ANO1: variants seen among roughly 807,000 people sequenced by gnomAD.
ANO1 encodes the protein anoctamin 1.
In ANO1, 59 loss-of-function variants were observed where a neutral mutation model predicts 124.0. That is an observed-to-expected ratio of 0.48 (90% CI 0.39 to 0.59). The LOEUF (loss-of-function observed/expected upper bound fraction) is 0.59, where lower values mean the gene tolerates loss of function less well. ANO1 is among the 20% of genes least tolerant of loss of function. The pLI is 0.00. For synonymous variants in ANO1, 529 were observed against 532.0 expected (o/e 0.99, Z 0.08); for missense variants, 1,059 against 1,328.0 (o/e 0.80, Z 3.15).
rs759678051 is a variant in ANO1 at position 70,180,025 on chromosome 11, G to A, written c.2372G>A (p.Arg791Lys). Residue 791 changes from arginine to lysine, a missense_variant, in exon 23 of 26, where the codon AGA becomes AAA. By Grantham distance (26) the Arg-to-Lys change is conservative. Around this residue, in one of 2 missense-constraint regions of ANO1, gnomAD observed 809 missense variants for 1,094.9 expected, o/e 0.74. Transcript: ENST00000355303. Reference protein sequence around the residue: ...KDIGIWYNILRGIGKLAVIIN... With the variant: ...KDIGIWYNILKGIGKLAVIIN... ...CCAGGAATCTGGTACAATATCCTCA[G>A]AGGCATTGGGAAGCTTGCTGTCATC... is the stretch of plus-strand genomic sequence containing the variant. The A allele has an allele frequency of 6.2e-7, 1 of 1,613,256 alleles. No individual in the cohort carries two copies. Among genetic ancestry groups the A allele is most frequent in the East Asian group, 2.2e-5 (1 of 44,866 alleles).
chr11:70,100,267 T>G (rs537170393), intron 2 of ANO1, among the ~76,000 whole-genome samples: 507 of 152,302 alleles, frequency 3.3e-3, no homozygotes, highest in Non-Finnish European at 5.1e-3. Context: ...CCGATCCACA[T>G]GCTCCTGGAG....
At chr11:70,004,393 C>T (rs1554999776) in intron 1 of ANO1, among the ~76,000 whole-genome samples, 1 of 152,194 alleles carries the variant, frequency 6.6e-6, no homozygotes, top group African/African-American at 2.4e-5. Flanking sequence ...CTTATATGTG[C>T]ACTTTTACAG....
At chr11:70,080,575 G>A (rs2044171177) in intron 1 of ANO1, among the ~76,000 whole-genome samples, 2 of 152,152 alleles carry the variant, frequency 1.3e-5, no homozygotes, top group South Asian at 4.1e-4. Flanking sequence ...AGCCTGTCAT[G>A]AATAGCCCCC....
chr11:70,087,643 T>G (rs560840043), intron 1 of ANO1, 109 bp from the exon 2 acceptor site: 5 of 1,110,156 alleles, frequency 4.5e-6, no homozygotes, highest in Admixed American at 3.0e-5. Flanking sequence ...CAGGGAGTGT[T>G]TGTTGAACGA....
chr11:70,053,706 A>G (rs1297223313), intron 1 of ANO1, among the ~76,000 whole-genome samples: 3 of 152,200 alleles, frequency 2.0e-5, no homozygotes, highest in African/African-American at 7.2e-5. Context: ...GTTCAAATTC[A>G]TTGGGAAATG....
intron 1 of ANO1, among the ~76,000 whole-genome samples, chr11:70,019,858 G>A (rs943527565): frequency 2.0e-5 from 3 of 152,314 alleles, no homozygotes; most frequent in South Asian, 4.1e-4. Context: ...CCAGTCCCAC[G>A]CACGTCTTCA....
intron 1 of ANO1, among the ~76,000 whole-genome samples, chr11:70,031,441 T>A (rs1056184115): frequency 1.3e-5 from 2 of 152,232 alleles, no homozygotes; most frequent in African/African-American, 2.4e-5. Context: ...AAAGGCCCCG[T>A]GCCTCCTGCC....
At chr11:70,147,286 G>A (rs1273230084) in intron 11 of ANO1, among the ~76,000 whole-genome samples, 1 of 152,216 alleles carries the variant, frequency 6.6e-6, no homozygotes, top group Non-Finnish European at 1.5e-5. Flanking sequence ...CTGCTCCAGA[G>A]CAGCTACAGG....
chr11:70,168,691 G>A (rs191590205), intron 21 of ANO1, among the ~76,000 whole-genome samples: 27 of 152,268 alleles, frequency 1.8e-4, no homozygotes, highest in Admixed American at 1.0e-3. Flanking sequence ...TAAAATGCCC[G>A]TTCCCAGGCT....
chr11:70,046,652 G>T (rs1304739752), intron 1 of ANO1, among the ~76,000 whole-genome samples: 1 of 152,122 alleles, frequency 6.6e-6, no homozygotes, highest in Non-Finnish European at 1.5e-5. Context: ...AGGTGGCAAA[G>T]AACTCCTCAA....
At chr11:70,152,227 C>T (rs2047628732) in intron 12 of ANO1, among the ~76,000 whole-genome samples, 1 of 150,836 alleles carries the variant, frequency 6.6e-6, no homozygotes, top group South Asian at 2.1e-4. Flanking sequence ...CCCAGCTACT[C>T]AGGAGGCTGA....
At position 70,095,347 on chromosome 11, in the gene ANO1, AAAG is replaced by A. The variant is rs1565193667; in HGVS notation, c.441+7266_441+7268del. 1.3e-3 allele frequency among the ~76,000 whole-genome samples: 11 copies of A among 8,594 alleles called. 1 individual carries two copies. The South Asian group carries it at 0.031, about 24-fold the overall frequency. 5.6% of individuals were successfully genotyped at this position (8,594 alleles called of 152,430 possible). On this transcript the variant is annotated intron_variant, in intron 2 of 25. Transcript: ENST00000355303. ...AAAGAAAGAAAGGAAAGAGAAAGAA[AAAG>A]AAAGAAAGAAAGAAAGAAAGAAAGA...
At chr11:70,011,924 A>G (rs186075077) in intron 1 of ANO1, among the ~76,000 whole-genome samples, 20 of 152,304 alleles carry the variant, frequency 1.3e-4, no homozygotes, top group African/African-American at 4.6e-4. Context: ...TCCTCCATCC[A>G]TTCATCCAAC....
intron 1 of ANO1, among the ~76,000 whole-genome samples, chr11:70,007,364 C>T (rs1198688710): frequency 2.0e-5 from 3 of 151,074 alleles, no homozygotes; most frequent in African/African-American, 7.3e-5. Context: ...GCAAGCTCCG[C>T]CTCCCGGGTT....
intron 4 of ANO1, among the ~76,000 whole-genome samples, chr11:70,104,981 C>T (rs570423180): frequency 3.5e-4 from 53 of 152,130 alleles, no homozygotes; most frequent in Non-Finnish European, 7.4e-5. Flanking sequence ...GGACATGCCA[C>T]CAGAGAGAAG....
Position 70,087,743 on chromosome 11 carries a change from C to T in ANO1, c.109-9C>T. ...GATGGTGAATGGGTGTCTTTTCTTC[C>T]ACCCTTAGCTGCTGAACTCCTTATC... On this transcript the variant is annotated splice_polypyrimidine_tract_variant and intron_variant, in intron 1 of 25. Transcript: ENST00000355303. The T allele has an allele frequency of 6.4e-7, 1 of 1,573,038 alleles. No homozygotes were observed. Among genetic ancestry groups the T allele is most frequent in the Non-Finnish European group, 8.6e-7 (1 of 1,157,006 alleles).
At chr11:70,170,839 T>C (rs200023043) in intron 21 of ANO1, 48 bp from the exon 22 acceptor site, 27 of 662,822 alleles carry the variant, frequency 4.1e-5, no homozygotes, top group Non-Finnish European at 5.9e-5. Context: ...TCCCCCCTTA[T>C]GGGCTGTGGC....
chr11:70,024,587 A>G (rs1856859466), intron 1 of ANO1, among the ~76,000 whole-genome samples: 1 of 152,118 alleles, frequency 6.6e-6, no homozygotes, highest in South Asian at 2.1e-4. Flanking sequence ...TCATCCTTGC[A>G]ATACCCCTGG....
At chr11:70,122,965 C>CCCTA (rs1410691956) in intron 8 of ANO1, among the ~76,000 whole-genome samples, 30 of 152,350 alleles carry the variant, frequency 2.0e-4, no homozygotes, top group African/African-American at 7.2e-4. Context: ...CACAGTAAAA[C>CCCTA]TGTGGCCTTT....
Sources: gnomAD v4.1 joint callset for allele counts (sites outside exome capture counted in the v4.1 genomes callset) on GRCh38, gnomAD v4.1.1 for gene constraint, gnomAD v4.1.1 regional missense constraint, MANE v1.5 for transcripts, NCBI Gene and HGNC (gene_info 2026-07-23, HGNC 2026-07-21) for gene names.